The following TNFAIP8 variants were observed in gnomAD, a reference collection of about 807,000 sequenced individuals.
TNFAIP8 encodes tumor necrosis factor alpha-induced protein 8.
Under a neutral mutation model 13.3 loss-of-function variants are expected in TNFAIP8, and 7 were observed. The observed-to-expected ratio is 0.52, with a 90% CI of 0.30 to 0.99. TNFAIP8 has a LOEUF of 0.99. Among genes scored for constraint, TNFAIP8 ranks in the 50% least tolerant of loss-of-function variants. The pLI, the probability that TNFAIP8 is intolerant of heterozygous loss-of-function variation, is 0.07. For synonymous variants in TNFAIP8, 94 were observed against 87.6 expected (o/e 1.07, Z -0.41); for missense variants, 258 against 236.9 (o/e 1.09, Z -0.58).
intron 1 of TNFAIP8, among the ~76,000 whole-genome samples, chr5:119,313,092 A>G (rs1169362870): frequency 6.6e-6 from 1 of 152,236 alleles, no homozygotes; most frequent in East Asian, 1.9e-4. Flanking sequence ...TACACTGAGA[A>G]GATATTATAT....
intron 1 of TNFAIP8, among the ~76,000 whole-genome samples, chr5:119,333,969 T>C (rs1322562131): frequency 6.6e-6 from 1 of 152,142 alleles, no homozygotes; most frequent in Non-Finnish European, 1.5e-5. Context: ...TCACTCAGAG[T>C]TTCTCTTTTA....
Position 119,290,641 on chromosome 5 carries a change from A to G in TNFAIP8, c.1+21734A>G, listed in dbSNP as rs903267730. 2.6e-5 allele frequency among the ~76,000 whole-genome samples: 4 copies of G among 152,190 alleles called. No individual in the cohort carries two copies. In the South Asian group the frequency reaches 6.2e-4, roughly 24 times the overall value. On this transcript the variant is annotated intron_variant, in intron 1 of 1. Coordinates refer to the TNFAIP8 transcript ENST00000274456. ...GGGAGGGGATTACACAAAAGAATGA[A>G]TATCAGGAGGTGGGAATCATTGGGG...
chr5:119,392,678 A>G, intron 1 of TNFAIP8, 138 bp from the exon 2 acceptor site: 2 of 1,023,990 alleles, frequency 2.0e-6, no homozygotes, highest in Admixed American at 2.9e-5. Context: ...ACAGAGACTA[A>G]TGTCGGTAGA....
chr5:119,356,578 A>G (rs1751430072), intron 1 of TNFAIP8, among the ~76,000 whole-genome samples: 1 of 152,060 alleles, frequency 6.6e-6, no homozygotes, highest in African/African-American at 2.4e-5. Flanking sequence ...AGTGAGGGGA[A>G]GCGAAAATCT....
intron 1 of TNFAIP8, among the ~76,000 whole-genome samples, chr5:119,356,467 C>A (rs1306486880): frequency 6.6e-6 from 1 of 152,074 alleles, no homozygotes; most frequent in Non-Finnish European, 1.5e-5. Flanking sequence ...ATCAGAAAGA[C>A]TGAAAGCGGG....
rs185387516 is a variant in TNFAIP8, at chr5:119,289,518, G to T, written c.1+20611G>T. ...GATTGGAGAATTCAGAAGAAATCTT[G>T]TCAAATAAAAACTTATGAAATGCTA... On this transcript the variant is annotated intron_variant, in intron 1 of 1. Coordinates refer to the TNFAIP8 transcript ENST00000274456. 2.8e-4 allele frequency among the ~76,000 whole-genome samples: 43 copies of T among 152,316 alleles called. No individual in the cohort carries two copies. In the East Asian group the frequency reaches 7.9e-3, roughly 28 times the overall value.
At chr5:119,392,236 C>T (rs1206969127) in intron 1 of TNFAIP8, among the ~76,000 whole-genome samples, 1 of 152,282 alleles carries the variant, frequency 6.6e-6, no homozygotes, top group Non-Finnish European at 1.5e-5. Context: ...TTTTTGCAAC[C>T]GGATTATAAA....
Position 119,281,306 on chromosome 5 carries a change from A to ACTCTCTCT in TNFAIP8, c.1+12405_1+12412dup, listed in dbSNP as rs34012819. 3.7e-3 allele frequency among the ~76,000 whole-genome samples: 423 copies of ACTCTCTCT among 113,688 alleles called. 8 individuals are homozygous for ACTCTCTCT. Among genetic ancestry groups the ACTCTCTCT allele is most frequent in the Middle Eastern group, 0.014 (3 of 220 alleles). 74.6% of individuals were successfully genotyped at this position (113,688 alleles called of 152,430 possible). A position where few individuals can be genotyped will look rare whatever the true frequency, so the allele number is the denominator to read the frequency against. On this transcript the variant is annotated intron_variant, in intron 1 of 1. Coordinates refer to the TNFAIP8 transcript ENST00000274456. Reference sequence around the variant, plus strand: ...CACACATACACACACACACACACACACTCTCTCTCTCTCACACTTACATGC... The same window carrying ACTCTCTCT: ...CACACATACACACACACACACACACACTCTCTCTCTCTCTCTCTCTCACACTTACATGC...
In TNFAIP8 at chr5:119,396,447, T is replaced by C. The variant is rs2112879860; in HGVS notation, c.*3066T>C. 1 of 152,334 alleles carries C rather than the reference T, an allele frequency of 6.6e-6. No individual in the cohort carries two copies. Among genetic ancestry groups the C allele is most frequent in the Non-Finnish European group, 1.5e-5 (1 of 68,036 alleles). The allele number at this position is 152,334 out of a possible 1,614,324, so 9.4% of individuals were successfully genotyped here. ...TTTAACGTTGACTTCTGAGGTGCAG[T>C]GAGCTGCTCCCCCACAGCTGTCCCT... is the stretch of plus-strand genomic sequence containing the variant. On this transcript the variant is annotated 3_prime_UTR_variant, in exon 2 of 2. Coordinates refer to ENST00000504771, the MANE Select transcript of TNFAIP8 (RefSeq NM_014350.4).
At chr5:119,359,743 C>G (rs1237842431) in intron 1 of TNFAIP8, among the ~76,000 whole-genome samples, 1 of 152,200 alleles carries the variant, frequency 6.6e-6, no homozygotes, top group Non-Finnish European at 1.5e-5. Context: ...CTATTCCTGC[C>G]CTTCCCCAGC....
At chr5:119,355,439 G>C, upstream of TNFAIP8, 1 of 695,572 alleles carries the variant, frequency 1.4e-6, no homozygotes, top group Non-Finnish European at 2.6e-6. Flanking sequence ...CCCGCTCTGG[G>C]ACTTGTGAAA....
intron 1 of TNFAIP8, among the ~76,000 whole-genome samples, chr5:119,272,132 A>G (rs1446087549): frequency 6.6e-6 from 1 of 152,218 alleles, no homozygotes; most frequent in African/African-American, 2.4e-5. Context: ...GGAGGAAATG[A>G]GCTACAAGTG....
rs113124897 is a variant in TNFAIP8 at position 119,315,232 on chromosome 5, G to A, written c.1+46325G>A. On this transcript the variant is annotated intron_variant, in intron 1 of 1. Transcript: ENST00000274456. ...TGAGTAGCTGGGACTACAGGTGCCC[G>A]CCACCAGGCCCAGCTTATTTTTTGT... 9.4e-3 allele frequency among the ~76,000 whole-genome samples: 1,435 copies of A among 152,234 alleles called. 18 individuals are homozygous for A. The highest frequency in any genetic ancestry group is 0.032 in the African/African-American group (1,317 of 41,550).
chr5:119,339,454 G>A (rs1750663124), intron 1 of TNFAIP8, among the ~76,000 whole-genome samples: 1 of 146,318 alleles, frequency 6.8e-6, no homozygotes, highest in South Asian at 2.1e-4. Context: ...CTCCTCTTGT[G>A]GTGTTTTTTT....
chr5:119,320,659 C>T (rs1418372591), intron 1 of TNFAIP8, among the ~76,000 whole-genome samples: 1 of 152,128 alleles, frequency 6.6e-6, no homozygotes, highest in African/African-American at 2.4e-5. Flanking sequence ...ATCATCCATC[C>T]CGGCCCCCTT....
At chr5:119,284,270 G>A (rs1183684342) in intron 1 of TNFAIP8, among the ~76,000 whole-genome samples, 1 of 152,078 alleles carries the variant, frequency 6.6e-6, no homozygotes, top group Non-Finnish European at 1.5e-5. Flanking sequence ...AGCTTGCAGG[G>A]GCTTGCTGGA....
At chr5:119,377,730 A>G (rs776219172) in intron 1 of TNFAIP8, among the ~76,000 whole-genome samples, 1 of 150,460 alleles carries the variant, frequency 6.6e-6, no homozygotes, top group African/African-American at 2.5e-5. Flanking sequence ...AGAACCTCAT[A>G]TAAGTTGTGT....
rs1753116282 is a variant in TNFAIP8, at chr5:119,398,105, A to G, written c.*4724A>G. 1 of 152,192 alleles carries G rather than the reference A, an allele frequency of 6.6e-6. No homozygotes were observed. Among genetic ancestry groups the G allele is most frequent in the Non-Finnish European group, 1.5e-5 (1 of 68,032 alleles). 9.4% of individuals were successfully genotyped at this position (152,192 alleles called of 1,614,324 possible). On this transcript the variant is annotated 3_prime_UTR_variant, in exon 2 of 2. Coordinates refer to ENST00000504771, the MANE Select transcript of TNFAIP8 (RefSeq NM_014350.4). ...AGAGAATTGTGCCCTATGTCCACCA[A>G]ATTTGCATGAGATCTTTATAAGATT...
chr5:119,342,247 C>T (rs1047354807), intron 1 of TNFAIP8, among the ~76,000 whole-genome samples: 2 of 152,180 alleles, frequency 1.3e-5, no homozygotes, highest in African/African-American at 4.8e-5. Context: ...TTGGTAGCCT[C>T]TCAGAGATAG....
Sources: allele counts gnomAD v4.1 joint callset (sites outside exome capture counted in the v4.1 genomes callset), GRCh38; gene constraint gnomAD v4.1.1; transcripts MANE v1.5; gene names NCBI Gene and HGNC (gene_info 2026-07-23, HGNC 2026-07-21).